CCNH: variants seen among roughly 807,000 people sequenced by gnomAD.
CCNH encodes cyclin-H.
A neutral mutation model predicts 41.9 loss-of-function variants in CCNH; 31 were observed. That is an observed-to-expected ratio of 0.74 (90% CI 0.56 to 1.00). The LOEUF (loss-of-function observed/expected upper bound fraction) is 1.00. Among genes scored for constraint, CCNH ranks in the 50% least tolerant of loss-of-function variants. The probability of loss-of-function intolerance (pLI) is 0.00; values close to 1 mark genes in which losing one functional copy is unlikely to be tolerated. For synonymous variants in CCNH, 138 were observed against 136.1 expected (o/e 1.01, Z -0.10); for missense variants, 362 against 388.4 (o/e 0.93, Z 0.57).
chr5:87,312,163 A>T, the CCNH span, among the ~76,000 whole-genome samples: 1 of 152,232 alleles, frequency 6.6e-6, no homozygotes, highest in Admixed American at 6.5e-5. Context: ...GGAATAGAAT[A>T]CAAATGTTAT....
At chr5:87,376,590 T>C (rs1341366005) in exon 1 of CCNH, 9 of 1,603,844 alleles carry the variant, frequency 5.6e-6, no homozygotes, top group Non-Finnish European at 7.7e-6. Context: ...ATCAGTCTTG[T>C]TTTTGTTGGA....
chr5:87,410,036 C>G (rs1234815736), intron 2 of CCNH, among the ~76,000 whole-genome samples: 1 of 152,198 alleles, frequency 6.6e-6, no homozygotes, highest in African/African-American at 2.4e-5. Context: ...CTAGGTCACA[C>G]AGCTAATAAG....
downstream of CCNH, chr5:87,392,268 G>C: frequency 6.6e-6 from 3 of 451,438 alleles, no homozygotes; most frequent in Non-Finnish European, 1.3e-5. Flanking sequence ...TAAAATACAG[G>C]AAAAAAAAAT....
At chr5:87,377,389 G>GA (rs1241066237), upstream of CCNH, among the ~76,000 whole-genome samples, 2 of 152,190 alleles carry the variant, frequency 1.3e-5, no homozygotes, top group Non-Finnish European at 2.9e-5. Context: ...GCAGTGCAGT[G>GA]GCGCAGTCTC....
intron 9 of CCNH, among the ~76,000 whole-genome samples, chr5:87,334,937 G>T (rs1460464900): frequency 1.3e-5 from 2 of 152,062 alleles, no homozygotes; most frequent in Non-Finnish European, 2.9e-5. Flanking sequence ...AGGCTGGAGT[G>T]CAGTGGCACG....
Position 87,394,460 on chromosome 5 carries a change from C to T in CCNH, c.958G>A (p.Val320Ile), listed in dbSNP as rs1762759642. The T allele has an allele frequency of 6.2e-7, 1 of 1,613,248 alleles. No individual in the cohort carries two copies. The highest frequency in any genetic ancestry group is 1.7e-4 in the Middle Eastern group (1 of 6,056). The change falls in exon 9 of 9, where the codon GTA becomes ATA. Residue 320 changes from valine to isoleucine, a missense_variant. By Grantham distance (29) the Val-to-Ile change is conservative. Transcript: ENST00000256897. Reference protein sequence around the residue: ...EEEEWTDDDLVESL With the variant: ...EEEEWTDDDLIESL ...ACTTCAAATGGTTAGAGAGATTCTA[C>T]CAGGTCGTCATCAGTCCATTCTTCC...
upstream of CCNH, among the ~76,000 whole-genome samples, chr5:87,382,149 A>G (rs1024786052): frequency 6.6e-6 from 1 of 152,106 alleles, no homozygotes; most frequent in Non-Finnish European, 1.5e-5. Context: ...ATGGGGTTAG[A>G]CCATGTTGGC....
intron 1 of CCNH, among the ~76,000 whole-genome samples, chr5:87,411,849 T>A (rs1421096596): frequency 1.3e-5 from 2 of 152,186 alleles, no homozygotes. Flanking sequence ...ATCAGTGATA[T>A]GAAATAGATG....
chr5:87,341,212 A>C (rs924844532), intron 9 of CCNH: 2 of 844,486 alleles, frequency 2.4e-6, no homozygotes, highest in East Asian at 6.8e-5. Flanking sequence ...ATGTTTGCAG[A>C]TACGATTTTC....
At chr5:87,383,192 ATTC>A (rs1461536025) in intron 9 of CCNH, among the ~76,000 whole-genome samples, 3 of 152,154 alleles carry the variant, frequency 2.0e-5, no homozygotes, top group Non-Finnish European at 4.4e-5. Flanking sequence ...AGTGCAATGG[ATTC>A]TTATTTTTAT....
intron 9 of CCNH, chr5:87,346,779 G>T: frequency 7.5e-7 from 1 of 1,328,984 alleles, no homozygotes; most frequent in South Asian, 1.2e-5. Flanking sequence ...ATAAAAAAGT[G>T]AACAAACCAT....
chr5:87,351,929 A>G (rs1390261261), intron 9 of CCNH, among the ~76,000 whole-genome samples: 2 of 151,784 alleles, frequency 1.3e-5, no homozygotes, highest in African/African-American at 2.4e-5. Context: ...ACTGAGCCCA[A>G]AAACCTTTGA....
At chr5:87,370,388 G>A (rs1045632949) in intron 9 of CCNH, among the ~76,000 whole-genome samples, 5 of 152,178 alleles carry the variant, frequency 3.3e-5, no homozygotes, top group Non-Finnish European at 7.4e-5. Flanking sequence ...ATTAATCCAT[G>A]TGCAGTGTCC....
At chr5:87,349,847 A>G (rs1350996280) in intron 9 of CCNH, among the ~76,000 whole-genome samples, 2 of 151,902 alleles carry the variant, frequency 1.3e-5, no homozygotes, top group Non-Finnish European at 2.9e-5. Context: ...AAGTAAACTC[A>G]TTGTTTGTCC....
intron 9 of CCNH, among the ~76,000 whole-genome samples, chr5:87,329,281 C>CAAAAAAAAAAAAAAAA (rs571157213): frequency 1.7e-5 from 2 of 119,168 alleles, no homozygotes; most frequent in East Asian, 2.4e-4. Context: ...TCTGTCTCTC[C>CAAAAAAAAAAAAAAAA]AAAAAAAAAA....
intron 9 of CCNH, chr5:87,383,831 T>G: frequency 6.9e-7 from 1 of 1,456,672 alleles, no homozygotes; most frequent in Non-Finnish European, 9.6e-7. Flanking sequence ...AATTAACAGT[T>G]TCATACTATT....
chr5:87,394,371 TTAAA>T lies in CCNH; in HGVS notation c.*71_*74del. On this transcript the variant is annotated 3_prime_UTR_variant, in exon 9 of 9. Transcript: ENST00000256897. ...ATTTTATGTTTTCACATTATACTTT[TTAAA>T]TAAAGTTAAACGTTTGATATGCTTC... 6.4e-7 allele frequency: 1 copy of T among 1,554,350 alleles called. No individual in the cohort carries two copies. Among genetic ancestry groups the T allele is most frequent in the Non-Finnish European group, 8.7e-7 (1 of 1,149,860 alleles).
chr5:87,386,386 A>G (rs1354490739), intron 9 of CCNH, among the ~76,000 whole-genome samples: 1 of 152,020 alleles, frequency 6.6e-6, no homozygotes, highest in Admixed American at 6.6e-5. Context: ...TACAAATAAG[A>G]TATTTTCCTA....
chr5:87,378,360 T>C, upstream of CCNH: 1 of 1,608,436 alleles, frequency 6.2e-7, no homozygotes, highest in Non-Finnish European at 8.5e-7. Context: ...AGGTCAGTCC[T>C]TTACAAATAA....
Sources: allele counts gnomAD v4.1 joint callset (sites outside exome capture counted in the v4.1 genomes callset), GRCh38; gene constraint gnomAD v4.1.1; transcripts MANE v1.5; gene names NCBI Gene and HGNC (gene_info 2026-07-23, HGNC 2026-07-21).